MEDAG: variants seen among roughly 807,000 people sequenced by gnomAD.
MEDAG encodes mesenteric estrogen dependent adipogenesis, also known as mesenteric estrogen-dependent adipogenesis protein.
MEDAG carries 25 observed loss-of-function variants against 29.9 expected under a neutral mutation model. The observed-to-expected ratio is 0.84, with a 90% CI of 0.61 to 1.17. MEDAG has a LOEUF of 1.17. MEDAG is among the 50% of genes most tolerant of loss of function. MEDAG has a pLI of 0.00. For synonymous variants in MEDAG, 158 were observed against 148.2 expected, an observed-to-expected ratio of 1.07 and a Z score of -0.48; for missense variants, 398 against 372.9, an observed-to-expected ratio of 1.07 and a Z score of -0.56.
chr13:30,921,874 G>A, intron 4 of MEDAG, 28 bp downstream of exon 4: 2 of 1,561,366 alleles, frequency 1.3e-6, no homozygotes, highest in Non-Finnish European at 1.7e-6. Flanking sequence ...AAGGATATGT[G>A]GAAGGTAGTT....
intron 2 of MEDAG, among the ~76,000 whole-genome samples, chr13:30,920,628 GGAACATGAAAAC>G (rs1593510597): frequency 6.6e-6 from 1 of 151,992 alleles, no homozygotes; most frequent in East Asian, 1.9e-4. Context: ...CAGCACTGCA[GGAACATGAAAAC>G]CAGCTATCTC....
rs6563504 is a variant in MEDAG at position 30,911,604 on chromosome 13, C to A, written c.278+4811C>A. Among the ~76,000 whole-genome samples, 5 of 151,852 alleles carry A rather than the reference C, an allele frequency of 3.3e-5. No homozygotes were observed. In the East Asian group the frequency reaches 9.7e-4, roughly 29 times the overall value. On this transcript the variant is annotated intron_variant, in intron 1 of 4. Coordinates refer to ENST00000380482, the MANE Select transcript of MEDAG (RefSeq NM_032849.4). ...TCCTACTACCCATCTTACCCCAGTA[C>A]GTGGCTATAACCCCAGGCCCCTCCT...
chr13:30,914,491 A>G (rs1952909219), intron 1 of MEDAG, among the ~76,000 whole-genome samples: 1 of 152,256 alleles, frequency 6.6e-6, no homozygotes, highest in Non-Finnish European at 1.5e-5. Flanking sequence ...AGTACCCCTG[A>G]ATCATCAAAG....
intron 1 of MEDAG, among the ~76,000 whole-genome samples, chr13:30,907,927 C>T (rs1394963430): frequency 6.6e-6 from 1 of 152,242 alleles, no homozygotes; most frequent in Non-Finnish European, 1.5e-5. Flanking sequence ...AACCATTCCC[C>T]AGCAAGAATT....
chr13:30,911,195 A>G (rs1164363990), intron 1 of MEDAG, among the ~76,000 whole-genome samples: 2 of 152,202 alleles, frequency 1.3e-5, no homozygotes, highest in Non-Finnish European at 2.9e-5. Context: ...TACACACATT[A>G]TTGAATCTCT....
intron 2 of MEDAG, 92 bp from the exon 3 acceptor site, chr13:30,920,922 G>T: frequency 2.1e-6 from 2 of 939,296 alleles, no homozygotes; most frequent in Admixed American, 2.1e-5. Context: ...AATCTTCAAA[G>T]GAGGTGGGAA....
chr13:30,906,984 C>G (rs1413216659), intron 1 of MEDAG, among the ~76,000 whole-genome samples, 191 bp downstream of exon 1: 1 of 152,222 alleles, frequency 6.6e-6, no homozygotes, highest in Non-Finnish European at 1.5e-5. Context: ...GTTCTTCTGC[C>G]TCTTGCACTG....
In MEDAG at chr13:30,921,137, C is replaced by T. The variant is rs1593510994; in HGVS notation, c.501+11C>T. ...AGTTACCGGCTTCAGGTAAGCCTAG[C>T]CTGTCTGAATCCAGGGCTGTCAACC... is the stretch of plus-strand genomic sequence containing the variant. On this transcript the variant is annotated intron_variant, in intron 3 of 4. Coordinates refer to ENST00000380482, the MANE Select transcript of MEDAG (RefSeq NM_032849.4). The T allele has an allele frequency of 6.2e-7, 1 of 1,605,080 alleles. No individual in the cohort carries two copies. The highest frequency in any genetic ancestry group is 8.5e-7 in the Non-Finnish European group (1 of 1,173,150).
intron 3 of MEDAG, 77 bp downstream of exon 3, chr13:30,921,203 C>G: frequency 8.0e-7 from 1 of 1,249,046 alleles, no homozygotes; most frequent in East Asian, 2.4e-5. Flanking sequence ...GAACTGAGGC[C>G]CTATTGCCCT....
rs1952828464 is a variant in MEDAG at position 30,906,368 on chromosome 13, C to G, written c.-148C>G. ...TGGCACCTGAGCGGCCACCGCGTCC[C>G]GGCCAGGCGGGCAGACCGACCCCCT... On this transcript the variant is annotated 5_prime_UTR_variant, in exon 1 of 5. Coordinates refer to ENST00000380482, the MANE Select transcript of MEDAG (RefSeq NM_032849.4). The G allele has an allele frequency of 2.4e-6, 2 of 834,032 alleles. No homozygotes were observed. The highest frequency in any genetic ancestry group is 3.3e-6 in the Non-Finnish European group (2 of 610,562). The allele number at this position is 834,032 out of a possible 1,614,324, so 51.7% of individuals were successfully genotyped here. A position where few individuals can be genotyped will look rare whatever the true frequency, so the allele number is the denominator to read the frequency against.
chr13:30,908,485 G>T (rs1731030422), intron 1 of MEDAG, among the ~76,000 whole-genome samples: 1 of 152,170 alleles, frequency 6.6e-6, no homozygotes, highest in Non-Finnish European at 1.5e-5. Context: ...TGGCCAGGAG[G>T]GAATGTGGTC....
rs77242350 is a variant in MEDAG at position 30,910,193 on chromosome 13, A to AACACACACACACACACACACACAC, written c.278+3402_278+3425dup. Among the ~76,000 whole-genome samples, 7 of 149,274 alleles carry AACACACACACACACACACACACAC rather than the reference A, an allele frequency of 4.7e-5. No individual in the cohort carries two copies. In the East Asian group the frequency reaches 1.2e-3, roughly 25 times the overall value. ...TACCATTAACTACGACACACACACA[A>AACACACACACACACACACACACAC]ACACACACACACACACACACACACA... On this transcript the variant is annotated intron_variant, in intron 1 of 4. Transcript: ENST00000380482.
rs1157361213 is a variant in MEDAG, at chr13:30,906,434, C to A, written c.-82C>A. The A allele has an allele frequency of 3.7e-6, 5 of 1,337,718 alleles. No homozygotes were observed. Among genetic ancestry groups the A allele is most frequent in the African/African-American group, 1.5e-5 (1 of 65,820 alleles). 82.9% of individuals were successfully genotyped at this position (1,337,718 alleles called of 1,614,324 possible). ...GGCTGACGCAGGCAGGGCGCCCGGC[C>A]CCTCCTGGGGACCATCAGGTGCCGG... On this transcript the variant is annotated 5_prime_UTR_variant, in exon 1 of 5. Coordinates refer to ENST00000380482, the MANE Select transcript of MEDAG (RefSeq NM_032849.4).
intron 2 of MEDAG, 75 bp from the exon 3 acceptor site, chr13:30,920,939 C>T: frequency 8.3e-7 from 1 of 1,207,928 alleles, no homozygotes; most frequent in Non-Finnish European, 1.2e-6. Flanking sequence ...GGAACCACTG[C>T]AATAGCAAAT....
chr13:30,909,085 C>G (rs1952856953), intron 1 of MEDAG: 1 of 143,782 alleles, frequency 7.0e-6, no homozygotes, highest in East Asian at 2.0e-4. Context: ...CCACTGCACT[C>G]CAGCCTAGGC....
rs1593510923 is a variant in MEDAG, at chr13:30,921,078, G to A, written c.453G>A (p.Gly151=). The stretch of plus-strand genomic sequence containing the variant: ...AGATAAGAAGACAGATAGAGCAAGG[G>A]ATGGACATGGTCATCTCCTCAGTGA... ...HPKIRRQIEQ[G]MDMVISSVIG... is the part of the protein sequence containing the mutation. The change falls in exon 3 of 5, where the codon GGG becomes GGA. Residue 151 remains glycine, a synonymous_variant. Coordinates refer to ENST00000380482, the MANE Select transcript of MEDAG (RefSeq NM_032849.4). The A allele has an allele frequency of 3.7e-6, 6 of 1,614,202 alleles. No individual in the cohort carries two copies. The highest frequency in any genetic ancestry group is 1.3e-5 in the African/African-American group (1 of 75,064).
intron 4 of MEDAG, 129 bp from the exon 5 acceptor site, chr13:30,924,182 T>C (rs1279316248): frequency 1.0e-6 from 1 of 986,512 alleles, no homozygotes; most frequent in African/African-American, 1.7e-5. Flanking sequence ...GCCTTTTGAA[T>C]TTTTCTGAGG....
rs781564848 is a variant in MEDAG at position 30,924,330 on chromosome 13, T to A, written c.807T>A (p.Phe269Leu). The change falls in exon 5 of 5, where the codon TTT (phenylalanine) becomes TTA (leucine). Residue 269 changes from phenylalanine (F) to leucine (L), a missense_variant. By Grantham distance (22) the Phe-to-Leu change is conservative. Transcript: ENST00000380482. ...TTTTAGGTTCAATAGATGATGTTTT[T>A]AACTGCAATCTGTCACCCAGATCAT... ...VTSRGSIDDV[F>L]NCNLSPRSSL... 5 of 1,613,998 alleles carry A rather than the reference T, an allele frequency of 3.1e-6. No homozygotes were observed. In the Admixed American group the frequency reaches 8.3e-5, roughly 27 times the overall value.
At chr13:30,919,608 A>T (rs1225291066) in intron 2 of MEDAG, among the ~76,000 whole-genome samples, 1 of 152,222 alleles carries the variant, frequency 6.6e-6, no homozygotes, top group Non-Finnish European at 1.5e-5. Context: ...ATAATTTTGG[A>T]GAAAGAAAAA....
Sources: gnomAD v4.1 joint callset for allele counts (sites outside exome capture counted in the v4.1 genomes callset) on GRCh38, gnomAD v4.1.1 for gene constraint, MANE v1.5 for transcripts, NCBI Gene and HGNC (gene_info 2026-07-23, HGNC 2026-07-21) for gene names.